LRRC69: variants seen among roughly 807,000 people sequenced by gnomAD.
The protein encoded by LRRC69 is leucine rich repeat containing 69.
LRRC69 carries 42 observed loss-of-function variants against 37.8 expected under a neutral mutation model. That is an observed-to-expected ratio of 1.11 (90% CI 0.87 to 1.44). The LOEUF (loss-of-function observed/expected upper bound fraction) is 1.44, where lower values mean the gene tolerates loss of function less well. LRRC69 is among the 40% of genes most tolerant of loss of function. The pLI is 0.00. For synonymous variants in LRRC69, 141 were observed against 143.1 expected, an observed-to-expected ratio of 0.99 and a Z score of 0.11; for missense variants, 357 against 401.9, an observed-to-expected ratio of 0.89 and a Z score of 0.96.
At chr8:91,215,973 T>C (rs1016818073) in intron 7 of LRRC69, among the ~76,000 whole-genome samples, 2 of 152,196 alleles carry the variant, frequency 1.3e-5, no homozygotes, top group Non-Finnish European at 2.9e-5. Context: ...TTTCATGTTA[T>C]GCAAACATTA....
At chr8:91,137,705 A>T (rs1808445900) in intron 5 of LRRC69, among the ~76,000 whole-genome samples, 1 of 152,050 alleles carries the variant, frequency 6.6e-6, no homozygotes. Flanking sequence ...ACACTCTCAC[A>T]TAAGATGATC....
intron 7 of LRRC69, among the ~76,000 whole-genome samples, 155 bp downstream of exon 7, chr8:91,200,947 G>T (rs1809702872): frequency 6.6e-6 from 1 of 152,112 alleles, no homozygotes; most frequent in African/African-American, 2.4e-5. Flanking sequence ...ATAAGTGTCG[G>T]TAATAATCAT....
chr8:91,107,738 G>T (rs962506575), intron 1 of LRRC69, among the ~76,000 whole-genome samples: 1 of 151,962 alleles, frequency 6.6e-6, no homozygotes. Flanking sequence ...AACTAGTGAA[G>T]CTCTGGAAAA....
At chr8:91,212,562 T>C (rs1367008223) in intron 7 of LRRC69, among the ~76,000 whole-genome samples, 1 of 152,202 alleles carries the variant, frequency 6.6e-6, no homozygotes, top group Non-Finnish European at 1.5e-5. Context: ...CTGCCAGTAA[T>C]GAAACATAAG....
chr8:91,170,437 A>G (rs1221789967), intron 5 of LRRC69, among the ~76,000 whole-genome samples: 1 of 141,840 alleles, frequency 7.1e-6, no homozygotes, highest in Non-Finnish European at 1.5e-5. Context: ...AAGAGCCCAC[A>G]TCGCCAAGCC....
At chr8:91,181,414 A>G (rs563145822) in intron 5 of LRRC69, among the ~76,000 whole-genome samples, 38 of 152,174 alleles carry the variant, frequency 2.5e-4, no homozygotes, top group Non-Finnish European at 4.4e-4. Context: ...GTGGGGAGAG[A>G]GAAAGTATTG....
At chr8:91,139,182 T>A (rs547972107) in intron 5 of LRRC69, 1 of 151,952 alleles carries the variant, frequency 6.6e-6, no homozygotes, top group Admixed American at 6.6e-5. Flanking sequence ...AACTTAAAAA[T>A]TTTGTAAGTT....
At chr8:91,102,975 G>C (rs1813247664) in intron 1 of LRRC69, 131 bp downstream of exon 1, 2 of 860,742 alleles carry the variant, frequency 2.3e-6, no homozygotes, top group Non-Finnish European at 3.4e-6. Flanking sequence ...ACTTAATGTG[G>C]AGTGTTGCTG....
At chr8:91,158,456 A>T in intron 5 of LRRC69, 1 of 1,274,362 alleles carries the variant, frequency 7.8e-7, no homozygotes, top group Non-Finnish European at 1.1e-6. Flanking sequence ...GCATGCTGTT[A>T]ATGGAAGAAT....
At chr8:91,145,112 A>G (rs1424029585) in intron 5 of LRRC69, among the ~76,000 whole-genome samples, 1 of 152,004 alleles carries the variant, frequency 6.6e-6, no homozygotes, top group Non-Finnish European at 1.5e-5. Flanking sequence ...TAAGTGGTCC[A>G]GAAAGTGCAA....
rs115795833 is a variant in LRRC69 at position 91,127,195 on chromosome 8, C to T, written c.383+35C>T. The T allele has an allele frequency of 4.0e-4, 580 of 1,461,162 alleles. 2 individuals carry two copies. In the African/African-American group the frequency reaches 7.1e-3, roughly 18 times the overall value. 90.5% of individuals were successfully genotyped at this position (1,461,162 alleles called of 1,614,324 possible). Reference sequence around the variant, plus strand: ...TTTATAGCAAGACTTGGTTAACAATCGTGCCCCTCCTCTATCCCCACCCTG... The same window carrying T: ...TTTATAGCAAGACTTGGTTAACAATTGTGCCCCTCCTCTATCCCCACCCTG... On this transcript the variant is annotated intron_variant, in intron 3 of 7. Transcript: ENST00000448384.
chr8:91,138,456 T>G (rs985120750), intron 5 of LRRC69, among the ~76,000 whole-genome samples: 1 of 151,926 alleles, frequency 6.6e-6, no homozygotes, highest in African/African-American at 2.4e-5. Context: ...ATAACTACTT[T>G]TTAAAATAGG....
intron 1 of LRRC69, among the ~76,000 whole-genome samples, chr8:91,117,819 C>T (rs1318789758): frequency 6.6e-6 from 1 of 151,750 alleles, no homozygotes; most frequent in Non-Finnish European, 1.5e-5. Flanking sequence ...AACATATGTG[C>T]TATGAGAGCT....
chr8:91,153,478 G>C (rs1808778032), intron 5 of LRRC69, among the ~76,000 whole-genome samples: 1 of 151,742 alleles, frequency 6.6e-6, no homozygotes, highest in Non-Finnish European at 1.5e-5. Flanking sequence ...GCACTCCTCA[G>C]CAAATTGCAA....
At chr8:91,149,479 T>A in intron 5 of LRRC69, among the ~76,000 whole-genome samples, 1 of 152,052 alleles carries the variant, frequency 6.6e-6, no homozygotes, top group Non-Finnish European at 1.5e-5. Context: ...GCTGTTTTGG[T>A]TACTGTAGCC....
chr8:91,167,405 A>G (rs1398471115), intron 5 of LRRC69, among the ~76,000 whole-genome samples: 1 of 151,682 alleles, frequency 6.6e-6, no homozygotes, highest in Non-Finnish European at 1.5e-5. Context: ...ACCCGCCCCT[A>G]TGATTCAATA....
intron 5 of LRRC69, chr8:91,158,243 A>C: frequency 6.3e-7 from 1 of 1,578,642 alleles, no homozygotes; most frequent in Non-Finnish European, 8.7e-7. Context: ...GGATCTCTAC[A>C]GTGGATTAAT....
Position 91,133,942 on chromosome 8 carries a change from A to G in LRRC69, c.579+637A>G, listed in dbSNP as rs567297840. 9.2e-5 allele frequency among the ~76,000 whole-genome samples: 14 copies of G among 151,944 alleles called. 1 individual carries two copies. The East Asian group carries it at 2.7e-3, about 30-fold the overall frequency. On this transcript the variant is annotated intron_variant, in intron 4 of 7. Transcript: ENST00000448384. ...CCACCGCACCCAGCCTTGATATTTC[A>G]ATTTAAGTGAGCATTATATATTTTA... is the stretch of plus-strand genomic sequence containing the variant.
intron 5 of LRRC69, among the ~76,000 whole-genome samples, chr8:91,187,222 G>A (rs1476251252): frequency 1.3e-5 from 2 of 152,158 alleles, no homozygotes; most frequent in Non-Finnish European, 2.9e-5. Flanking sequence ...TTCCTTGTAT[G>A]TTCAAGCTAT....
Sources: allele counts gnomAD v4.1 joint callset (sites outside exome capture counted in the v4.1 genomes callset), GRCh38; gene constraint gnomAD v4.1.1; transcripts MANE v1.5; gene names NCBI Gene and HGNC (gene_info 2026-07-23, HGNC 2026-07-21).